BCAS3: variants seen among roughly 807,000 people sequenced by gnomAD.
The protein encoded by BCAS3 is BCAS4/BCAS3 fusion.
In BCAS3, 53 loss-of-function variants were observed where a neutral mutation model predicts 116.1. That is an observed-to-expected ratio of 0.46 (90% confidence interval 0.37 to 0.57). The LOEUF (loss-of-function observed/expected upper bound fraction) is 0.57. Among genes scored for constraint, BCAS3 ranks in the 20% least tolerant of loss-of-function variants. The probability of loss-of-function intolerance (pLI) is 0.00; values close to 1 mark genes in which losing one functional copy is unlikely to be tolerated. For synonymous variants in BCAS3, 391 were observed against 408.2 expected, an observed-to-expected ratio of 0.96 and a Z score of 0.51; for missense variants, 917 against 1,165.4, an observed-to-expected ratio of 0.79 and a Z score of 3.10.
At chr17:60,743,880 C>T (rs2041810554) in intron 5 of BCAS3, among the ~76,000 whole-genome samples, 1 of 152,134 alleles carries the variant, frequency 6.6e-6, no homozygotes, top group Admixed American at 6.5e-5. Flanking sequence ...ACCCCCACCC[C>T]TTTTTTGGTT....
intron 6 of BCAS3, among the ~76,000 whole-genome samples, chr17:60,806,083 G>A (rs940595385): frequency 6.6e-6 from 1 of 151,498 alleles, no homozygotes; most frequent in Non-Finnish European, 1.5e-5. Context: ...CACCATGTTG[G>A]CCAGGCTGGT....
At chr17:60,880,100 A>T (rs981628064) in intron 9 of BCAS3, among the ~76,000 whole-genome samples, 1 of 152,166 alleles carries the variant, frequency 6.6e-6, no homozygotes, top group Non-Finnish European at 1.5e-5. Flanking sequence ...TCTGCACACA[A>T]TTCTCACCCA....
At chr17:60,910,778 A>G in intron 12 of BCAS3, 76 bp downstream of exon 12, 8 of 1,333,578 alleles carry the variant, frequency 6.0e-6, no homozygotes, top group Non-Finnish European at 8.1e-6. Context: ...GTCAAAATGT[A>G]TTTGGCCTAG....
At chr17:60,992,187 CTT>C (rs1491325192) in intron 15 of BCAS3, among the ~76,000 whole-genome samples, 1 of 137,964 alleles carries the variant, frequency 7.2e-6, no homozygotes, top group Admixed American at 7.6e-5. Context: ...TATCCGATGA[CTT>C]ACACACACAC....
At chr17:61,035,021 G>A (rs1158471626) in intron 17 of BCAS3, among the ~76,000 whole-genome samples, 1 of 151,884 alleles carries the variant, frequency 6.6e-6, no homozygotes, top group Admixed American at 6.6e-5. Flanking sequence ...TTGTTTTGTT[G>A]GTGACAATCT....
At chr17:61,177,165 T>C (rs1209726332) in intron 22 of BCAS3, among the ~76,000 whole-genome samples, 1 of 152,238 alleles carries the variant, frequency 6.6e-6, no homozygotes, top group African/African-American at 2.4e-5. Flanking sequence ...ACATTAAACA[T>C]GCACTTATCA....
At chr17:61,115,232 T>C (rs2075353824) in intron 22 of BCAS3, among the ~76,000 whole-genome samples, 2 of 152,094 alleles carry the variant, frequency 1.3e-5, no homozygotes, top group South Asian at 4.2e-4. Flanking sequence ...AAGACAAAAT[T>C]GACAAATGGA....
Position 61,045,904 on chromosome 17 carries a change from A to T in BCAS3, c.2029+5012A>T, listed in dbSNP as rs12602316. 6.7e-4 allele frequency among the ~76,000 whole-genome samples: 22 copies of T among 32,974 alleles called. 3 individuals carry two copies. In the African/African-American group the frequency reaches 6.9e-3, roughly 10 times the overall value. The allele number at this position is 32,974 out of a possible 152,430, so 21.6% of individuals were successfully genotyped here. A position where few individuals can be genotyped will look rare whatever the true frequency, so the allele number is the denominator to read the frequency against. ...ATATATTATATATATAATATATATA[A>T]ATATATATTTATATATATAATATAT... On this transcript the variant is annotated intron_variant, in intron 19 of 23. Coordinates refer to ENST00000407086, the MANE Select transcript of BCAS3 (RefSeq NM_017679.5).
chr17:60,706,749 A>T (rs1226680565), intron 4 of BCAS3, among the ~76,000 whole-genome samples: 2 of 149,224 alleles, frequency 1.3e-5, no homozygotes, highest in African/African-American at 5.0e-5. Flanking sequence ...ACAGAGCAAG[A>T]CTCTGTCTCA....
intron 22 of BCAS3, among the ~76,000 whole-genome samples, chr17:61,164,900 T>C (rs2078396046): frequency 6.6e-6 from 1 of 152,248 alleles, no homozygotes; most frequent in African/African-American, 2.4e-5. Flanking sequence ...GCATGTTCTG[T>C]GTACTCCAGC....
intron 7 of BCAS3, among the ~76,000 whole-genome samples, chr17:60,832,515 T>A (rs947577115): frequency 6.6e-6 from 1 of 152,210 alleles, no homozygotes; most frequent in African/African-American, 2.4e-5. Flanking sequence ...TGTGCTTTTT[T>A]ATCCCCTAAG....
At position 61,188,462 on chromosome 17, in the gene BCAS3, GCAAGTGGATTTTAGGTGTTTTATAT is replaced by G. The variant is rs1388312360; in HGVS notation, c.2425+103902_2425+103926del. Reference sequence around the variant, plus strand: ...CTGGTATGGACCACAAGTCTGGGAGGCAAGTGGATTTTAGGTGTTTTATATCAAAGTTGTTTATCTTAAATCTTGG... The same window carrying G: ...CTGGTATGGACCACAAGTCTGGGAGGCAAAGTTGTTTATCTTAAATCTTGG... On this transcript the variant is annotated intron_variant, in intron 22 of 23. Coordinates refer to ENST00000407086, the MANE Select transcript of BCAS3 (RefSeq NM_017679.5). The surrounding 1 kb of genome is among the most constrained non-coding windows in gnomAD (Gnocchi z 4.0). Among the ~76,000 whole-genome samples, 1 of 152,194 alleles carries G rather than the reference GCAAGTGGATTTTAGGTGTTTTATAT, an allele frequency of 6.6e-6. No homozygotes were observed. The highest frequency in any genetic ancestry group is 1.5e-5 in the Non-Finnish European group (1 of 68,020).
chr17:61,135,356 T>A (rs2076567614), intron 22 of BCAS3, among the ~76,000 whole-genome samples: 1 of 152,246 alleles, frequency 6.6e-6, no homozygotes, highest in Admixed American at 6.5e-5. Flanking sequence ...CTGCATTAGG[T>A]AAATGTCATT....
In BCAS3 at chr17:60,874,669, G is replaced by C. The variant is rs762349606; in HGVS notation, c.592G>C (p.Val198Leu). 1 of 1,602,380 alleles carries C rather than the reference G, an allele frequency of 6.2e-7. No individual in the cohort carries two copies. Among genetic ancestry groups the C allele is most frequent in the Non-Finnish European group, 8.5e-7 (1 of 1,173,252 alleles). The change falls in exon 9 of 24, where the codon GTC becomes CTC. Residue 198 changes from valine to leucine, a missense_variant. Physicochemically the swap from Val to Leu is conservative, Grantham distance 32. Around this residue, in one of 3 missense-constraint regions of BCAS3, gnomAD observed 807 missense variants for 1,026.0 expected, o/e 0.79. Transcript: ENST00000407086. ...TTCTCTCTCTAATTTTAGGATCCTT[G>C]TCGTAGTCTTGCAGGAGAAAATTGC... ...YDLHCNKRIL[V>L]VVLQEKIAAF...
In BCAS3 at chr17:61,381,971, G is replaced by A. The variant is rs2059624759; in HGVS notation, c.2594-10006G>A. 6.6e-6 allele frequency among the ~76,000 whole-genome samples: 1 copy of A among 152,180 alleles called. No homozygotes were observed. The highest frequency in any genetic ancestry group is 2.1e-4 in the South Asian group (1 of 4,832). On this transcript the variant is annotated intron_variant, in intron 23 of 23. Coordinates refer to ENST00000407086, the MANE Select transcript of BCAS3 (RefSeq NM_017679.5). The surrounding 1 kb of genome is among the most constrained non-coding windows in gnomAD (Gnocchi z 6.0). Reference sequence around the variant, plus strand: ...TGGGTAGCAGCCACAGCCGCAATAAGTCATTAACTTTCAGGACAGCTTGTT... The same window carrying A: ...TGGGTAGCAGCCACAGCCGCAATAAATCATTAACTTTCAGGACAGCTTGTT...
intron 22 of BCAS3, chr17:61,357,019 C>T (rs1214134200): frequency 6.6e-6 from 1 of 152,038 alleles, no homozygotes; most frequent in Non-Finnish European, 1.5e-5. Flanking sequence ...TATGGGCCCA[C>T]CTGGTCCCAG....
Position 61,323,419 on chromosome 17 carries a change from C to A in BCAS3, c.2426-44908C>A, listed in dbSNP as rs1307031024. Among the ~76,000 whole-genome samples, 1 of 152,192 alleles carries A rather than the reference C, an allele frequency of 6.6e-6. No individual in the cohort carries two copies. The highest frequency in any genetic ancestry group is 2.4e-5 in the African/African-American group (1 of 41,448). ...CCCGGGTTCTAGTCTCAGCTTTGAC[C>A]CTCCCTGGTAAGCTGTATAATCACA... is the stretch of plus-strand genomic sequence containing the variant. On this transcript the variant is annotated intron_variant, in intron 22 of 23. Coordinates refer to ENST00000407086, the MANE Select transcript of BCAS3 (RefSeq NM_017679.5). This position sits in a 1 kb window ranked among gnomAD's most constrained non-coding sequence, Gnocchi z 4.6.
At position 61,251,879 on chromosome 17, in the gene BCAS3, G is replaced by A. The variant is rs1409474903; in HGVS notation, c.2426-116448G>A. The stretch of plus-strand genomic sequence containing the variant: ...ATAGTGAGGTGGAGGTTGTAAAGAA[G>A]CTCTTTATAATGAAGATCCCAAATA... On this transcript the variant is annotated intron_variant, in intron 22 of 23. Coordinates refer to ENST00000407086, the MANE Select transcript of BCAS3 (RefSeq NM_017679.5). The surrounding 1 kb of genome is among the most constrained non-coding windows in gnomAD (Gnocchi z 4.7). 3.9e-5 allele frequency among the ~76,000 whole-genome samples: 6 copies of A among 152,158 alleles called. No individual in the cohort carries two copies.
chr17:61,110,385 C>T (rs889939302), intron 22 of BCAS3, among the ~76,000 whole-genome samples: 17 of 151,994 alleles, frequency 1.1e-4, no homozygotes, highest in African/African-American at 2.7e-4. Context: ...AGTGGGTGCG[C>T]GCACCGTGCG....
Sources: allele counts gnomAD v4.1 joint callset (sites outside exome capture counted in the v4.1 genomes callset), GRCh38; gene constraint gnomAD v4.1.1; regional missense constraint gnomAD v4.1.1; non-coding constraint Gnocchi (gnomAD v3.1); transcripts MANE v1.5; gene names NCBI Gene and HGNC (gene_info 2026-07-23, HGNC 2026-07-21).